The following ADGRB3 variants were observed in gnomAD, a reference collection of about 807,000 sequenced individuals.
ADGRB3 encodes brain-specific angiogenesis inhibitor 3.
In ADGRB3, 37 loss-of-function variants were observed where a neutral mutation model predicts 193.4. That is an observed-to-expected ratio of 0.19 (90% CI 0.15 to 0.25). ADGRB3 has a LOEUF of 0.25. Ranked by LOEUF, ADGRB3 falls within the 10% of genes least tolerant of loss-of-function variation. The pLI, the probability that ADGRB3 is intolerant of heterozygous loss-of-function variation, is 1.00. For synonymous variants in ADGRB3, 690 were observed against 644.2 expected (o/e 1.07, Z -1.08); for missense variants, 1,637 against 1,852.9 (o/e 0.88, Z 2.14).
rs139636541 is a variant in ADGRB3 at position 69,055,628 on chromosome 6, T to C, written c.2333+6282T>C. ...TTCAAATATTTCTTTGAGATCTTTCTTTCAATTCTTTTGGACATATACTCA... is the reference window on the plus strand; with the variant it reads ...TTCAAATATTTCTTTGAGATCTTTCCTTCAATTCTTTTGGACATATACTCA... On this transcript the variant is annotated intron_variant, in intron 15 of 31. Coordinates refer to ENST00000370598, the MANE Select transcript of ADGRB3 (RefSeq NM_001704.3). Among the ~76,000 whole-genome samples, 668 of 152,302 alleles carry C rather than the reference T, an allele frequency of 4.4e-3. 6 individuals carry two copies. The highest frequency in any genetic ancestry group is 0.025 in the East Asian group (130 of 5,186).
intron 3 of ADGRB3, among the ~76,000 whole-genome samples, chr6:68,905,515 G>T (rs759098951): frequency 1.3e-5 from 2 of 152,118 alleles, no homozygotes; most frequent in Non-Finnish European, 2.9e-5. Context: ...AATAGGCTAT[G>T]ATCTATTTTA....
chr6:68,903,161 AG>A (rs1191578587), intron 3 of ADGRB3, among the ~76,000 whole-genome samples: 4 of 152,208 alleles, frequency 2.6e-5, no homozygotes, highest in African/African-American at 9.6e-5. Context: ...TTTTGTGAAA[AG>A]AAGGTAGATT....
chr6:69,182,121 G>A (rs911841113), intron 17 of ADGRB3, among the ~76,000 whole-genome samples: 1 of 152,044 alleles, frequency 6.6e-6, no homozygotes, highest in African/African-American at 2.4e-5. Context: ...GGATGCACAG[G>A]CACACAGATG....
intron 3 of ADGRB3, among the ~76,000 whole-genome samples, chr6:68,710,912 T>C (rs1765397989): frequency 6.6e-6 from 1 of 152,106 alleles, no homozygotes; most frequent in African/African-American, 2.4e-5. Flanking sequence ...CTGGGACCCC[T>C]TTTATTCCTT....
chr6:68,908,197 A>G (rs1442927994), intron 3 of ADGRB3, among the ~76,000 whole-genome samples: 1 of 151,976 alleles, frequency 6.6e-6, no homozygotes, highest in Non-Finnish European at 1.5e-5. Context: ...GCTACTCTCA[A>G]AAAGAAACAT....
intron 17 of ADGRB3, among the ~76,000 whole-genome samples, chr6:69,093,051 G>T (rs1021377021): frequency 4.6e-5 from 7 of 151,720 alleles, no homozygotes; most frequent in Non-Finnish European, 7.4e-5. Flanking sequence ...TGGAGGAGGG[G>T]TGGGCAGCCT....
rs370571544 is a variant in ADGRB3, at chr6:68,913,706, G to A, written c.758-16853G>A. Among the ~76,000 whole-genome samples, 83 of 152,304 alleles carry A rather than the reference G, an allele frequency of 5.4e-4. 1 individual carries two copies. Among genetic ancestry groups the A allele is most frequent in the African/African-American group, 1.9e-3 (78 of 41,574 alleles). On this transcript the variant is annotated intron_variant, in intron 3 of 31. Transcript: ENST00000370598. Reference sequence around the variant, plus strand: ...AAGCTGGACGGAAAATGACTTTGACGAGTTGAGAGAAGAAGGCTTCAGACG... The same window carrying A: ...AAGCTGGACGGAAAATGACTTTGACAAGTTGAGAGAAGAAGGCTTCAGACG...
intron 20 of ADGRB3, among the ~76,000 whole-genome samples, chr6:69,255,771 C>T (rs1033487768): frequency 2.0e-5 from 3 of 152,132 alleles, no homozygotes; most frequent in African/African-American, 7.2e-5. Context: ...ACATGAAGTC[C>T]TTGCCCATGC....
intron 20 of ADGRB3, among the ~76,000 whole-genome samples, chr6:69,273,848 T>C (rs1001822263): frequency 6.6e-6 from 1 of 152,180 alleles, no homozygotes; most frequent in Admixed American, 6.5e-5. Flanking sequence ...TGGACTACTA[T>C]TCTAGAAAAC....
intron 17 of ADGRB3, among the ~76,000 whole-genome samples, chr6:69,104,711 A>G (rs1041153774): frequency 1.3e-5 from 2 of 152,162 alleles, no homozygotes; most frequent in African/African-American, 4.8e-5. Flanking sequence ...TATGTGTTTC[A>G]GTAAAAATTT....
At chr6:69,385,684 G>A (rs765781295) in intron 31 of ADGRB3, among the ~76,000 whole-genome samples, 1 of 152,080 alleles carries the variant, frequency 6.6e-6, no homozygotes, top group Admixed American at 6.6e-5. Flanking sequence ...GCATAAATTC[G>A]GAGACTTACA....
intron 10 of ADGRB3, 85 bp downstream of exon 10, chr6:68,975,425 A>G: frequency 1.0e-6 from 1 of 992,966 alleles, no homozygotes; most frequent in Non-Finnish European, 1.5e-6. Flanking sequence ...CTGCTGTACA[A>G]TCAAATCAGT....
chr6:68,699,849 C>G (rs983404981), intron 3 of ADGRB3, among the ~76,000 whole-genome samples: 1 of 151,824 alleles, frequency 6.6e-6, no homozygotes, highest in African/African-American at 2.4e-5. Context: ...ACAACCCTGC[C>G]TTTAGAGGGA....
chr6:69,010,623 GT>G (rs993930286), intron 11 of ADGRB3, among the ~76,000 whole-genome samples: 1 of 151,828 alleles, frequency 6.6e-6, no homozygotes, highest in African/African-American at 2.4e-5. Context: ...TAAAGCATAG[GT>G]GGGCAACATC....
At chr6:69,257,693 A>T (rs889101391) in intron 20 of ADGRB3, among the ~76,000 whole-genome samples, 2 of 152,202 alleles carry the variant, frequency 1.3e-5, no homozygotes, top group South Asian at 2.1e-4. Context: ...TTGTCTTCTG[A>T]TCATCTTCAA....
intron 13 of ADGRB3, among the ~76,000 whole-genome samples, chr6:69,047,748 G>A (rs915832583): frequency 6.6e-6 from 1 of 152,060 alleles, no homozygotes. Flanking sequence ...CAAAGACAAT[G>A]TTCAAATGAA....
chr6:69,344,624 A>G (rs565585713), intron 26 of ADGRB3, among the ~76,000 whole-genome samples: 6 of 152,338 alleles, frequency 3.9e-5, no homozygotes, highest in Non-Finnish European at 8.8e-5. Context: ...CATATAATAT[A>G]GTTCAGATGG....
intron 17 of ADGRB3, among the ~76,000 whole-genome samples, chr6:69,165,476 T>G (rs962136499): frequency 3.9e-5 from 6 of 151,914 alleles, no homozygotes; most frequent in African/African-American, 1.5e-4. Flanking sequence ...CATGCTCTTT[T>G]GGATGCCATG....
At chr6:68,936,146 G>A (rs1767481134) in intron 4 of ADGRB3, among the ~76,000 whole-genome samples, 1 of 152,146 alleles carries the variant, frequency 6.6e-6, no homozygotes, top group Non-Finnish European at 1.5e-5. Context: ...AAGCCATAGA[G>A]TAAGCTTAGA....
Sources: gnomAD v4.1 joint callset for allele counts (sites outside exome capture counted in the v4.1 genomes callset) on GRCh38, gnomAD v4.1.1 for gene constraint, MANE v1.5 for transcripts, NCBI Gene and HGNC (gene_info 2026-07-23, HGNC 2026-07-21) for gene names.